PEMT: variants seen among roughly 807,000 people sequenced by gnomAD.
PEMT encodes the protein phosphatidylethanolamine N-methyltransferase, also known as phospholipid methyltransferase.
PEMT carries 23 observed loss-of-function variants against 27.4 expected under a neutral mutation model. The observed-to-expected ratio is 0.84, with a 90% CI of 0.60 to 1.19. The LOEUF (loss-of-function observed/expected upper bound fraction) is 1.19. Among genes scored for constraint, PEMT ranks in the 50% most tolerant of loss-of-function variants. The pLI, the probability that PEMT is intolerant of heterozygous loss-of-function variation, is 0.00. For missense variants in PEMT, 307 were observed against 310.1 expected, an observed-to-expected ratio of 0.99 and a Z score of 0.07; for synonymous variants, 137 against 139.1, an observed-to-expected ratio of 0.98 and a Z score of 0.11.
intron 1 of PEMT, 52 bp downstream of exon 1, chr17:17,591,479 G>A (rs1290250593): frequency 6.9e-7 from 1 of 1,452,852 alleles, no homozygotes; most frequent in African/African-American, 1.4e-5. Flanking sequence ...ACGCCCCTCG[G>A]GCCTTGCAGA....
intron 2 of PEMT, among the ~76,000 whole-genome samples, chr17:17,536,216 C>G (rs923209079): frequency 6.6e-6 from 1 of 152,236 alleles, no homozygotes; most frequent in African/African-American, 2.4e-5. Flanking sequence ...GCCAGCCCCA[C>G]GGGGGACGTC....
At chr17:17,518,255 C>T in intron 3 of PEMT, 1 of 706,702 alleles carries the variant, frequency 1.4e-6, no homozygotes, top group Non-Finnish European at 1.7e-6. Flanking sequence ...TCCTGTGAAG[C>T]CCGTTCGAGC....
intron 1 of PEMT, among the ~76,000 whole-genome samples, chr17:17,578,022 A>G (rs1299588977): frequency 4.0e-5 from 6 of 151,572 alleles, no homozygotes; most frequent in South Asian, 2.1e-4. Context: ...GTCTCAAAAA[A>G]AAAAAAAAAA....
At chr17:17,565,354 T>C (rs1382797365) in intron 2 of PEMT, 1 of 152,256 alleles carries the variant, frequency 6.6e-6, no homozygotes, top group East Asian at 1.9e-4. Flanking sequence ...GTCCCCTTTT[T>C]TGAATAAAAT....
At chr17:17,533,849 G>A (rs1908274939) in intron 2 of PEMT, among the ~76,000 whole-genome samples, 1 of 151,936 alleles carries the variant, frequency 6.6e-6, no homozygotes, top group South Asian at 2.1e-4. Flanking sequence ...TCCTGCCTCA[G>A]CCTCCCAAGT....
intron 2 of PEMT, among the ~76,000 whole-genome samples, chr17:17,542,507 C>T (rs1908961591): frequency 6.6e-6 from 1 of 152,218 alleles, no homozygotes; most frequent in Non-Finnish European, 1.5e-5. Context: ...CTGGCTAACG[C>T]TTTCCTCTCA....
At chr17:17,511,664 T>C (rs1906405837) in intron 4 of PEMT, among the ~76,000 whole-genome samples, 1 of 152,192 alleles carries the variant, frequency 6.6e-6, no homozygotes, top group African/African-American at 2.4e-5. Flanking sequence ...GACGTGGGCC[T>C]TCCCACCCAT....
chr17:17,521,085 G>C (rs70963007), intron 3 of PEMT, among the ~76,000 whole-genome samples: 1 of 152,242 alleles, frequency 6.6e-6, no homozygotes, highest in Admixed American at 6.5e-5. Context: ...TGGGGCCACG[G>C]GCAATGGGGA....
chr17:17,582,409 C>A lies in PEMT; in HGVS notation c.97-5382G>T, dbSNP rs73300567. ...ACTCCATTGAGGGGTGCAGGGTTCT[C>A]GGGAGCAGCGCTCTGTGGTCAGGGA... On this transcript the variant is annotated intron_variant, in intron 1 of 6. Coordinates refer to ENST00000255389, the MANE Select transcript of PEMT (RefSeq NM_148172.3). The surrounding 1 kb of genome is among the most constrained non-coding windows in gnomAD (Gnocchi z 4.9). 7.1e-6 allele frequency: 7 copies of A among 985,380 alleles called. No homozygotes were observed. The highest frequency in any genetic ancestry group is 8.4e-6 in the Non-Finnish European group (7 of 829,938). The allele number at this position is 985,380 out of a possible 1,614,324, so 61.0% of individuals were successfully genotyped here. A position where few individuals can be genotyped will look rare whatever the true frequency, so the allele number is the denominator to read the frequency against.
intron 2 of PEMT, among the ~76,000 whole-genome samples, chr17:17,554,347 C>A (rs968198532): frequency 2.0e-5 from 3 of 152,222 alleles, no homozygotes; most frequent in Admixed American, 1.3e-4. Flanking sequence ...TCACAGCCCC[C>A]CTCCCATGTC....
At chr17:17,518,000 G>C (rs1475464992) in intron 3 of PEMT, 2 of 985,458 alleles carry the variant, frequency 2.0e-6, no homozygotes, top group Non-Finnish European at 1.2e-6. Context: ...ATTCCTGATC[G>C]ACAGCCACAC....
intron 2 of PEMT, among the ~76,000 whole-genome samples, chr17:17,544,532 G>A (rs1372585703): frequency 1.3e-5 from 2 of 152,104 alleles, no homozygotes; most frequent in East Asian, 3.9e-4. Flanking sequence ...CCAAAGTGCA[G>A]GGATTACAGG....
At chr17:17,531,818 A>C (rs1908121507) in intron 2 of PEMT, among the ~76,000 whole-genome samples, 1 of 152,104 alleles carries the variant, frequency 6.6e-6, no homozygotes, top group African/African-American at 2.4e-5. Context: ...GGATTATATG[A>C]TGATTTCTTA....
intron 2 of PEMT, among the ~76,000 whole-genome samples, chr17:17,564,134 G>C (rs759724667): frequency 2.2e-4 from 34 of 152,232 alleles, no homozygotes; most frequent in Admixed American, 3.9e-4. Flanking sequence ...GGAAGGAGAA[G>C]AGCCACAGAC....
At chr17:17,585,270 G>A (rs928970353) in intron 1 of PEMT, among the ~76,000 whole-genome samples, 9 of 152,158 alleles carry the variant, frequency 5.9e-5, no homozygotes, top group Non-Finnish European at 5.9e-5. Flanking sequence ...CCTGGGAGGC[G>A]GAGGTTGCAG....
chr17:17,534,789 C>T (rs536485877), intron 2 of PEMT, among the ~76,000 whole-genome samples: 1 of 152,176 alleles, frequency 6.6e-6, no homozygotes, highest in Non-Finnish European at 1.5e-5. Context: ...CACGAATGCA[C>T]TCCAGCCTGG....
intron 2 of PEMT, among the ~76,000 whole-genome samples, chr17:17,538,586 TTA>T (rs1422733152): frequency 2.2e-4 from 34 of 152,226 alleles, no homozygotes; most frequent in African/African-American, 8.2e-4. Flanking sequence ...AATAAATACA[TTA>T]AAGGGGAAGA....
intron 2 of PEMT, among the ~76,000 whole-genome samples, chr17:17,550,721 C>T (rs894631281): frequency 6.6e-6 from 1 of 152,220 alleles, no homozygotes; most frequent in Admixed American, 6.5e-5. Context: ...TCTCCCAGGG[C>T]ACAAAGCCTG....
At chr17:17,548,411 G>A (rs181263274) in intron 2 of PEMT, among the ~76,000 whole-genome samples, 2 of 152,342 alleles carry the variant, frequency 1.3e-5, no homozygotes, top group African/African-American at 2.4e-5. Context: ...GGGGGAGGAA[G>A]AGGGATTCCA....
Sources: gnomAD v4.1 joint callset for allele counts (sites outside exome capture counted in the v4.1 genomes callset) on GRCh38, gnomAD v4.1.1 for gene constraint, Gnocchi (gnomAD v3.1) non-coding constraint, MANE v1.5 for transcripts, NCBI Gene and HGNC (gene_info 2026-07-23, HGNC 2026-07-21) for gene names.